C14orf39: variants seen among roughly 807,000 people sequenced by gnomAD.
C14orf39 encodes the protein chromosome 14 open reading frame 39, also known as protein SIX6OS1.
C14orf39 carries 66 observed loss-of-function variants against 85.6 expected under a neutral mutation model. That is an observed-to-expected ratio of 0.77 (90% confidence interval 0.63 to 0.95). The LOEUF is 0.95. C14orf39 is among the 40% of genes least tolerant of loss of function. The probability of loss-of-function intolerance (pLI) is 0.00; values close to 1 mark genes in which losing one functional copy is unlikely to be tolerated. For synonymous variants in C14orf39, 242 were observed against 214.0 expected (o/e 1.13, Z -1.14); for missense variants, 735 against 663.9 (o/e 1.11, Z -1.18).
chr14:60,465,425 A>G (rs990631356), intron 11 of C14orf39, among the ~76,000 whole-genome samples: 2 of 152,084 alleles, frequency 1.3e-5, no homozygotes, highest in African/African-American at 4.8e-5. Flanking sequence ...GGACCTGCCT[A>G]TCTCTCTCAC....
At chr14:60,510,109 T>A in intron 1 of C14orf39, 1 of 769,928 alleles carries the variant, frequency 1.3e-6, no homozygotes, top group Non-Finnish European at 2.2e-6. Flanking sequence ...TTAAGAGCCC[T>A]GCGTTCTGGG....
At chr14:60,511,162 C>G in intron 1 of C14orf39, 1 of 1,612,856 alleles carries the variant, frequency 6.2e-7, no homozygotes, top group Non-Finnish European at 8.5e-7. Context: ...AGGTGCTGGG[C>G]GTCGCCACCA....
chr14:60,476,880 A>C (rs1230778296), intron 5 of C14orf39, among the ~76,000 whole-genome samples: 1 of 152,112 alleles, frequency 6.6e-6, no homozygotes, highest in Non-Finnish European at 1.5e-5. Flanking sequence ...TTTTAAATGA[A>C]TATTATGAAT....
intron 5 of C14orf39, among the ~76,000 whole-genome samples, chr14:60,477,966 T>G (rs1892462284): frequency 6.6e-6 from 1 of 151,768 alleles, no homozygotes; most frequent in Non-Finnish European, 1.5e-5. Context: ...GATCACGAGG[T>G]CAGGAGATCG....
At chr14:60,500,244 C>A (rs1250716876) in intron 1 of C14orf39, among the ~76,000 whole-genome samples, 1 of 152,054 alleles carries the variant, frequency 6.6e-6, no homozygotes, top group African/African-American at 2.4e-5. Flanking sequence ...TCAGGCTGGT[C>A]TCGAACTCCC....
At chr14:60,455,174 A>G in intron 15 of C14orf39, 29 bp from the exon 16 acceptor site, 1 of 1,483,624 alleles carries the variant, frequency 6.7e-7, no homozygotes, top group Non-Finnish European at 9.1e-7. Context: ...TCAAAATGTT[A>G]AAAATCTATT....
chr14:60,445,592 T>A (rs1429462585), intron 16 of C14orf39, among the ~76,000 whole-genome samples: 1 of 152,132 alleles, frequency 6.6e-6, no homozygotes, highest in Admixed American at 6.6e-5. Flanking sequence ...ACAAAGAGAC[T>A]TAGACTCCCA....
chr14:60,463,171 T>A (rs1055217203), intron 11 of C14orf39, among the ~76,000 whole-genome samples: 23 of 152,126 alleles, frequency 1.5e-4, no homozygotes, highest in African/African-American at 5.5e-4. Flanking sequence ...AGTGGTTTAA[T>A]TTGCATTTCC....
chr14:60,450,746 G>A (rs1180796526), intron 16 of C14orf39, among the ~76,000 whole-genome samples: 1 of 152,178 alleles, frequency 6.6e-6, no homozygotes, highest in Non-Finnish European at 1.5e-5. Flanking sequence ...ATGGCCCAGT[G>A]CAGTCCTAGT....
intron 15 of C14orf39, among the ~76,000 whole-genome samples, chr14:60,455,788 C>T (rs1891246271): frequency 6.6e-6 from 1 of 151,992 alleles, no homozygotes; most frequent in South Asian, 2.1e-4. Flanking sequence ...GTACCTACAC[C>T]TAATAAGGCT....
intron 16 of C14orf39, among the ~76,000 whole-genome samples, chr14:60,451,163 G>T (rs1270076424): frequency 3.3e-5 from 5 of 152,082 alleles, no homozygotes; most frequent in African/African-American, 1.2e-4. Flanking sequence ...CAGTCAGAAA[G>T]GCAATCATTA....
intron 1 of C14orf39, among the ~76,000 whole-genome samples, chr14:60,501,159 T>G (rs570835808): frequency 1.8e-4 from 28 of 151,996 alleles, no homozygotes; most frequent in African/African-American, 6.0e-4. Context: ...AATTATTAAT[T>G]AGCCAGATGT....
At chr14:60,497,322 T>G (rs961429133) in intron 2 of C14orf39, among the ~76,000 whole-genome samples, 2 of 152,328 alleles carry the variant, frequency 1.3e-5, no homozygotes, top group African/African-American at 4.8e-5. Flanking sequence ...TTCTCTATTA[T>G]TTGTGTAATT....
intron 8 of C14orf39, among the ~76,000 whole-genome samples, 188 bp from the exon 9 acceptor site, chr14:60,468,724 C>T (rs879627828): frequency 4.0e-5 from 6 of 151,556 alleles, no homozygotes; most frequent in Admixed American, 6.6e-5. Context: ...TTAACTTTTC[C>T]TTACAATTCC....
intron 16 of C14orf39, among the ~76,000 whole-genome samples, chr14:60,444,091 G>T (rs1214951453): frequency 6.6e-6 from 1 of 152,170 alleles, no homozygotes; most frequent in Non-Finnish European, 1.5e-5. Flanking sequence ...AAGATGGGGA[G>T]AAACCAGAGC....
chr14:60,444,063 A>C (rs1890649817), intron 16 of C14orf39, among the ~76,000 whole-genome samples: 1 of 152,204 alleles, frequency 6.6e-6, no homozygotes, highest in Non-Finnish European at 1.5e-5. Flanking sequence ...TAAAAGACCA[A>C]AGGTAGATAA....
intron 14 of C14orf39, 74 bp from the exon 15 acceptor site, chr14:60,457,169 G>C: frequency 1.1e-6 from 1 of 933,472 alleles, no homozygotes; most frequent in Non-Finnish European, 1.5e-6. Flanking sequence ...AATGCATGAG[G>C]TGGAAAATAC....
At chr14:60,443,803 C>T (rs904792166) in intron 16 of C14orf39, among the ~76,000 whole-genome samples, 1 of 152,078 alleles carries the variant, frequency 6.6e-6, no homozygotes. Flanking sequence ...AGGTAGGTGA[C>T]CCTATGGGAC....
At chr14:60,473,736 G>C (rs1395703567) in intron 5 of C14orf39, among the ~76,000 whole-genome samples, 1 of 151,986 alleles carries the variant, frequency 6.6e-6, no homozygotes, top group Admixed American at 6.6e-5. Context: ...TATTTCTCAG[G>C]GCTCTGTTCT....
Sources: gnomAD v4.1 joint callset for allele counts (sites outside exome capture counted in the v4.1 genomes callset) on GRCh38, gnomAD v4.1.1 for gene constraint, MANE v1.5 for transcripts, NCBI Gene and HGNC (gene_info 2026-07-23, HGNC 2026-07-21) for gene names.